The following ZNF417 variants were observed in gnomAD, a reference collection of about 807,000 sequenced individuals.
ZNF417 encodes zinc finger protein 417.
ZNF417 carries 5 observed loss-of-function variants against 7.4 expected under a neutral mutation model. The observed-to-expected ratio is 0.68, with a 90% CI of 0.35 to 1.43. ZNF417 has a LOEUF of 1.43. Among genes scored for constraint, ZNF417 ranks in the 40% most tolerant of loss-of-function variants. The pLI, the probability that ZNF417 is intolerant of heterozygous loss-of-function variation, is 0.04. For missense variants in ZNF417, 437 were observed against 697.3 expected (o/e 0.63, Z 4.20); for synonymous variants, 147 against 239.1 (o/e 0.61, Z 3.55).
At chr19:57,914,705 A>C (rs1288642888) in intron 1 of ZNF417, among the ~76,000 whole-genome samples, 2 of 152,126 alleles carry the variant, frequency 1.3e-5, no homozygotes, top group African/African-American at 4.8e-5. Flanking sequence ...AGCCAGTAGA[A>C]CTGTGGTAAT....
rs2071855536 is a variant in ZNF417, at chr19:57,908,301, G to A, written c.*249C>T. ...TACTCGTAATCTCAGCTCCTTGGGA[G>A]GCTGAGGTAGGAGAATCACTTGAAC... On this transcript the variant is annotated 3_prime_UTR_variant, in exon 3 of 3. Coordinates refer to ENST00000312026, the MANE Select transcript of ZNF417 (RefSeq NM_152475.3). 1 of 593,970 alleles carries A rather than the reference G, an allele frequency of 1.7e-6. No homozygotes were observed. The highest frequency in any genetic ancestry group is 2.9e-6 in the Non-Finnish European group (1 of 346,394). 36.8% of individuals were successfully genotyped at this position (593,970 alleles called of 1,614,324 possible).
chr19:57,912,417 G>T (rs754214675), intron 1 of ZNF417, among the ~76,000 whole-genome samples: 1 of 152,142 alleles, frequency 6.6e-6, no homozygotes, highest in Non-Finnish European at 1.5e-5. Context: ...GACATAAAAA[G>T]GTCCATCCCC....
In ZNF417 at chr19:57,906,313, CTGTATGTGCT is replaced by C. The variant is rs1439762759; in HGVS notation, c.*2227_*2236del. ...AAGTATCACTATTTCATGTATGTGC[CTGTATGTGCT>C]TATATAACATGCTGTAATACAAGGT... On this transcript the variant is annotated 3_prime_UTR_variant, in exon 3 of 3. Coordinates refer to ENST00000312026, the MANE Select transcript of ZNF417 (RefSeq NM_152475.3). Among the ~76,000 whole-genome samples the C allele has an allele frequency of 6.6e-6, 1 of 152,040 alleles. No individual in the cohort carries two copies. Among genetic ancestry groups the C allele is most frequent in the Non-Finnish European group, 1.5e-5 (1 of 68,008 alleles).
rs1218501877 is a variant in ZNF417 at position 57,915,462 on chromosome 19, T to G, written c.33+917A>C. The G allele has an allele frequency of 2.1e-5, 10 of 486,098 alleles. No individual in the cohort carries two copies. The East Asian group carries it at 5.2e-4, about 25-fold the overall frequency. 30.1% of individuals were successfully genotyped at this position (486,098 alleles called of 1,614,324 possible). On this transcript the variant is annotated intron_variant, in intron 1 of 2. Transcript: ENST00000312026. ...AGGCCATTGCCTGCGCCCCTCCCTG[T>G]GCTTGTTGCTCTCCCCACCGCATCC...
intron 1 of ZNF417, among the ~76,000 whole-genome samples, chr19:57,914,999 G>A (rs1205079119): frequency 6.6e-6 from 1 of 152,150 alleles, no homozygotes; most frequent in Non-Finnish European, 1.5e-5. Flanking sequence ...TCCCTGTGTG[G>A]GTTCCCTAAG....
intron 1 of ZNF417, among the ~76,000 whole-genome samples, chr19:57,914,751 C>G (rs568421954): frequency 6.6e-6 from 1 of 152,324 alleles, no homozygotes; most frequent in South Asian, 2.1e-4. Flanking sequence ...TATCTCTAAG[C>G]ATTTCACAAC....
intron 2 of ZNF417, 72 bp downstream of exon 2, chr19:57,911,988 C>G (rs2071902470): frequency 1.3e-6 from 2 of 1,520,104 alleles, no homozygotes; most frequent in African/African-American, 2.8e-5. Flanking sequence ...GTGAGAAAGA[C>G]AGTCCTGTCA....
rs908522512 is a variant in ZNF417 at position 57,907,307 on chromosome 19, T to C, written c.*1243A>G. 2.6e-5 allele frequency: 4 copies of C among 152,546 alleles called. No homozygotes were observed. The highest frequency in any genetic ancestry group is 9.6e-5 in the African/African-American group (4 of 41,454). The allele number at this position is 152,546 out of a possible 1,614,324, so 9.4% of individuals were successfully genotyped here. ...TAACAGATATTCCATTTGCAAATTATGCTCCCCAAAAAACACAAACACATA... is the reference window on the plus strand; with the variant it reads ...TAACAGATATTCCATTTGCAAATTACGCTCCCCAAAAAACACAAACACATA... On this transcript the variant is annotated 3_prime_UTR_variant, in exon 3 of 3. Transcript: ENST00000312026.
intron 2 of ZNF417, among the ~76,000 whole-genome samples, chr19:57,911,033 G>C (rs533662016): frequency 6.6e-6 from 1 of 152,130 alleles, no homozygotes; most frequent in Admixed American, 6.5e-5. Context: ...CAACAAGAGC[G>C]AAACTCCATC....
intron 1 of ZNF417, among the ~76,000 whole-genome samples, chr19:57,913,319 T>C (rs897164172): frequency 8.5e-5 from 13 of 152,204 alleles, no homozygotes; most frequent in African/African-American, 3.1e-4. Context: ...CAAATCATCC[T>C]GTGAACGTCT....
chr19:57,910,914 G>A (rs1209467664), intron 2 of ZNF417, among the ~76,000 whole-genome samples: 13 of 152,244 alleles, frequency 8.5e-5, no homozygotes, highest in Non-Finnish European at 1.5e-4. Context: ...GTGTGGTGGT[G>A]CAGGCCTGTA....
intron 1 of ZNF417, among the ~76,000 whole-genome samples, chr19:57,915,032 T>G (rs1173056890): frequency 6.6e-6 from 1 of 152,164 alleles, no homozygotes; most frequent in Non-Finnish European, 1.5e-5. Context: ...CAGGAGTGCC[T>G]GAGGGGAGAG....
At position 57,911,545 on chromosome 19, in the gene ZNF417, C is replaced by T. The variant is rs375887470; in HGVS notation, c.163+515G>A. On this transcript the variant is annotated intron_variant, in intron 2 of 2. Transcript: ENST00000312026. ...GACGATGTAACTATGAAGGGAGAGACAGCAGAGATGAACAGCCAACACTAG... is the reference window on the plus strand; with the variant it reads ...GACGATGTAACTATGAAGGGAGAGATAGCAGAGATGAACAGCCAACACTAG... 1.8e-4 allele frequency among the ~76,000 whole-genome samples: 27 copies of T among 152,102 alleles called. No homozygotes were observed. In the East Asian group the frequency reaches 2.5e-3, roughly 14 times the overall value.
intron 1 of ZNF417, among the ~76,000 whole-genome samples, chr19:57,913,639 G>A (rs1399275332): frequency 6.6e-6 from 1 of 152,194 alleles, no homozygotes; most frequent in Non-Finnish European, 1.5e-5. Flanking sequence ...TCAGGCAGAA[G>A]TGTCATCTTC....
At position 57,908,162 on chromosome 19, in the gene ZNF417, GCAA is replaced by G. The variant is rs1315209181; in HGVS notation, c.*385_*387del. 1 of 247,880 alleles carries G rather than the reference GCAA, an allele frequency of 4.0e-6. No homozygotes were observed. The highest frequency in any genetic ancestry group is 2.2e-5 in the African/African-American group (1 of 44,932). 15.4% of individuals were successfully genotyped at this position (247,880 alleles called of 1,614,324 possible). ...GACATCTTAACTGTTTCACTGCCCA[GCAA>G]TCTATACGTATTGTCACTTGGGGAC... On this transcript the variant is annotated 3_prime_UTR_variant, in exon 3 of 3. Transcript: ENST00000312026.
chr19:57,913,750 T>G (rs7253038), intron 1 of ZNF417, among the ~76,000 whole-genome samples: 107,586 of 151,872 alleles, frequency 0.71, 39,070 homozygotes, highest in African/African-American at 0.87. Flanking sequence ...TGCCATGATG[T>G]TCACTCACAC....
intron 2 of ZNF417, 49 bp downstream of exon 2, chr19:57,912,011 G>C (rs753865878): frequency 2.2e-5 from 33 of 1,523,932 alleles, no homozygotes; most frequent in Non-Finnish European, 2.9e-5. Context: ...GAAAAACAGG[G>C]GAACAGTAAC....
At position 57,909,469 on chromosome 19, in the gene ZNF417, C is replaced by T. The variant is rs751171910; in HGVS notation, c.809G>A (p.Cys270Tyr). The T allele has an allele frequency of 6.2e-6, 10 of 1,613,658 alleles. 1 individual carries two copies. In the South Asian group the frequency reaches 1.1e-4, roughly 18 times the overall value. The change falls in exon 3 of 3, where the codon TGT becomes TAT. Residue 270 changes from cysteine to tyrosine, a missense_variant. Cys to Tyr is a radical substitution (Grantham distance 194). This residue lies in a region of ZNF417 where 60 missense variants were observed against 266.0 expected (regional missense o/e 0.23). Coordinates refer to ENST00000312026, the MANE Select transcript of ZNF417 (RefSeq NM_152475.3). ...ACTATAAGATTTCCCACACTCTCCA[C>T]AATCATAAGGTCCTTTTGCAGTGTG... ...RDHTAKGPYD[C>Y]GECGKSYSRK...
Position 57,909,367 on chromosome 19 carries a change from G to T in ZNF417, c.911C>A (p.Ser304Tyr). Reference sequence around the variant, plus strand: ...AATAAGGCTGCCCTTCTGACTAAAAGATTTCCCGCACTCCTCACAGGGATA... The same window carrying T: ...AATAAGGCTGCCCTTCTGACTAAAATATTTCCCGCACTCCTCACAGGGATA... ...TAYPCEECGKSFSQKGSLISH... is the reference protein window; with the variant it reads ...TAYPCEECGKYFSQKGSLISH... The change falls in exon 3 of 3, where the codon TCT becomes TAT. Residue 304 changes from serine to tyrosine, a missense_variant. By Grantham distance (144) the Ser-to-Tyr change is moderately radical. Coordinates refer to ENST00000312026, the MANE Select transcript of ZNF417 (RefSeq NM_152475.3). 1.2e-6 allele frequency: 2 copies of T among 1,614,174 alleles called. No individual in the cohort carries two copies. The highest frequency in any genetic ancestry group is 1.7e-6 in the Non-Finnish European group (2 of 1,180,004).
Sources: gnomAD v4.1 joint callset for allele counts (sites outside exome capture counted in the v4.1 genomes callset) on GRCh38, gnomAD v4.1.1 for gene constraint, gnomAD v4.1.1 regional missense constraint, MANE v1.5 for transcripts, NCBI Gene and HGNC (gene_info 2026-07-23, HGNC 2026-07-21) for gene names.